Variants in MSRA observed in about 807,000 individuals in gnomAD.
MSRA encodes methionine sulfoxide reductase A.
A neutral mutation model predicts 31.3 loss-of-function variants in MSRA; 54 were observed. That is an observed-to-expected ratio of 1.73 (90% CI 1.39 to 2.17). MSRA has a LOEUF of 2.17. Ranked by LOEUF, MSRA falls within the 30% of genes most tolerant of loss-of-function variation. The pLI is 0.00. For missense variants in MSRA, 507 were observed against 300.9 expected (o/e 1.69, Z -5.07); for synonymous variants, 169 against 116.5 (o/e 1.45, Z -2.90).
chr8:10,381,709 G>C (rs1414975723), intron 5 of MSRA, among the ~76,000 whole-genome samples: 1 of 152,228 alleles, frequency 6.6e-6, no homozygotes, highest in Non-Finnish European at 1.5e-5. Context: ...CATAATGTCA[G>C]GGGTAATAGG....
intron 1 of MSRA, among the ~76,000 whole-genome samples, chr8:10,054,917 C>T (rs1044598770): frequency 6.6e-6 from 1 of 152,334 alleles, no homozygotes. Context: ...GTGCATCGGT[C>T]TCACTTACCC....
chr8:10,095,696 G>T, intron 1 of MSRA: 6 of 1,035,024 alleles, frequency 5.8e-6, no homozygotes, highest in Non-Finnish European at 7.0e-6. Context: ...CCGTCCTGGG[G>T]TACAGAAAAA....
intron 1 of MSRA, among the ~76,000 whole-genome samples, chr8:10,140,541 A>C (rs571851063): frequency 6.6e-6 from 1 of 152,228 alleles, no homozygotes; most frequent in Non-Finnish European, 1.5e-5. Flanking sequence ...ACGTTTTAGC[A>C]TACCAAGGGC....
intron 5 of MSRA, among the ~76,000 whole-genome samples, chr8:10,357,667 G>A (rs866326615): frequency 6.6e-6 from 1 of 152,114 alleles, no homozygotes; most frequent in African/African-American, 2.4e-5. Context: ...CAAGAAATCT[G>A]CTTTCTTTTA....
intron 1 of MSRA, among the ~76,000 whole-genome samples, chr8:10,078,158 G>C (rs908586463): frequency 1.3e-5 from 2 of 152,144 alleles, no homozygotes; most frequent in African/African-American, 4.8e-5. Context: ...GTTTTGGATG[G>C]GGAGAGGTGA....
intron 1 of MSRA, among the ~76,000 whole-genome samples, chr8:10,166,083 C>G (rs1805096148): frequency 6.6e-6 from 1 of 152,066 alleles, no homozygotes; most frequent in South Asian, 2.1e-4. Context: ...AAACCCGGGG[C>G]TGGTAAGGTC....
chr8:10,378,140 G>A (rs574316990), intron 5 of MSRA, among the ~76,000 whole-genome samples: 152 of 152,336 alleles, frequency 1.0e-3, no homozygotes, highest in African/African-American at 3.4e-3. Flanking sequence ...GCTGTGGATG[G>A]GGATCAGGGA....
At chr8:10,204,554 C>A (rs1808777305) in intron 1 of MSRA, among the ~76,000 whole-genome samples, 1 of 152,168 alleles carries the variant, frequency 6.6e-6, no homozygotes. Context: ...CAGGTCATAG[C>A]CTAGGGGCAA....
At chr8:10,172,520 A>AG (rs1454728464) in intron 1 of MSRA, among the ~76,000 whole-genome samples, 1 of 152,156 alleles carries the variant, frequency 6.6e-6, no homozygotes, top group Non-Finnish European at 1.5e-5. Flanking sequence ...GTATTAGCGT[A>AG]GGGGCGGAGG....
intron 2 of MSRA, among the ~76,000 whole-genome samples, chr8:10,208,972 A>T (rs1809249974): frequency 6.6e-6 from 1 of 152,232 alleles, no homozygotes; most frequent in African/African-American, 2.4e-5. Context: ...CAGAGATGGA[A>T]CCAGAATTAG....
At chr8:10,230,870 C>T (rs928344144) in intron 2 of MSRA, among the ~76,000 whole-genome samples, 23 of 152,092 alleles carry the variant, frequency 1.5e-4, no homozygotes, top group Admixed American at 6.5e-4. Context: ...CTGCAACCTC[C>T]GCCTCCCAGG....
intron 5 of MSRA, among the ~76,000 whole-genome samples, chr8:10,415,293 T>C (rs939485007): frequency 7.2e-5 from 11 of 151,928 alleles, no homozygotes; most frequent in African/African-American, 2.7e-4. Flanking sequence ...ATTTGTGAGG[T>C]GTGGGGAGGT....
chr8:10,079,305 A>T (rs75722450), intron 1 of MSRA, among the ~76,000 whole-genome samples: 6,216 of 152,108 alleles, frequency 0.041, 316 homozygotes, highest in African/African-American at 0.11. Context: ...ACTAACAGGC[A>T]TGTGCCACCA....
At chr8:10,294,555 A>G (rs887486441) in intron 3 of MSRA, among the ~76,000 whole-genome samples, 3 of 152,020 alleles carry the variant, frequency 2.0e-5, no homozygotes, top group Non-Finnish European at 4.4e-5. Context: ...CTGGCTCCCA[A>G]ACCGAGTTCT....
chr8:10,306,630 T>C (rs539191869), intron 4 of MSRA, among the ~76,000 whole-genome samples: 8 of 152,206 alleles, frequency 5.3e-5, no homozygotes, highest in Admixed American at 4.6e-4. Context: ...TAAGGCTTCT[T>C]CTCACAGAGT....
chr8:10,248,365 A>G (rs1011828514), intron 3 of MSRA, among the ~76,000 whole-genome samples: 7 of 152,156 alleles, frequency 4.6e-5, no homozygotes, highest in African/African-American at 1.4e-4. Context: ...TGCCAGAAAT[A>G]TAGGAGGAGG....
At chr8:10,098,571 G>A (rs1243040982) in intron 1 of MSRA, among the ~76,000 whole-genome samples, 3 of 152,030 alleles carry the variant, frequency 2.0e-5, no homozygotes, top group Non-Finnish European at 4.4e-5. Flanking sequence ...AAATTTAAAC[G>A]CCTAGATAGA....
intron 2 of MSRA, among the ~76,000 whole-genome samples, chr8:10,222,950 T>C (rs925670262): frequency 6.6e-6 from 1 of 152,010 alleles, no homozygotes. Context: ...GCTAAGAGAG[T>C]AGATTTTAAA....
intron 5 of MSRA, among the ~76,000 whole-genome samples, chr8:10,360,534 C>G (rs1239317260): frequency 2.0e-5 from 3 of 152,164 alleles, no homozygotes; most frequent in African/African-American, 7.2e-5. Flanking sequence ...AGCCCCCCAG[C>G]AAGATTTTAA....
Sources: allele counts gnomAD v4.1 joint callset (sites outside exome capture counted in the v4.1 genomes callset), GRCh38; gene constraint gnomAD v4.1.1; transcripts MANE v1.5; gene names NCBI Gene and HGNC (gene_info 2026-07-23, HGNC 2026-07-21).